The following NLGN1 variants were observed in gnomAD, a reference collection of about 807,000 sequenced individuals.
NLGN1 encodes the protein neuroligin-1.
NLGN1 carries 12 observed loss-of-function variants against 65.5 expected under a neutral mutation model. The ratio of observed to expected loss-of-function variants is 0.18; its 90% CI spans 0.12 to 0.30. NLGN1 has a LOEUF of 0.30. Ranked by LOEUF, NLGN1 falls within the 10% of genes least tolerant of loss-of-function variation. NLGN1 has a pLI of 1.00. For synonymous variants in NLGN1, 350 were observed against 359.5 expected (o/e 0.97, Z 0.30); for missense variants, 750 against 1,007.1 (o/e 0.74, Z 3.46).
At chr3:174,215,615 A>G (rs943209361) in intron 4 of NLGN1, among the ~76,000 whole-genome samples, 2 of 152,164 alleles carry the variant, frequency 1.3e-5, no homozygotes, top group African/African-American at 4.8e-5. Context: ...GTCATCTTTT[A>G]TATGCCTTGT....
At chr3:173,772,498 A>G (rs986294870) in intron 3 of NLGN1, among the ~76,000 whole-genome samples, 2 of 151,972 alleles carry the variant, frequency 1.3e-5, no homozygotes, top group Non-Finnish European at 2.9e-5. Context: ...GGCACCCATA[A>G]TCCCAGGTAC....
At chr3:173,738,090 AT>A (rs942581294) in intron 3 of NLGN1, among the ~76,000 whole-genome samples, 5 of 151,610 alleles carry the variant, frequency 3.3e-5, no homozygotes, top group South Asian at 2.1e-4. Flanking sequence ...CCCATTTAAA[AT>A]TTTTTTTTAA....
chr3:173,466,915 T>G (rs579498), intron 2 of NLGN1, among the ~76,000 whole-genome samples: 41,569 of 152,048 alleles, frequency 0.27, 5,829 homozygotes, highest in Middle Eastern at 0.37. Context: ...TTAAACAAAT[T>G]TATGTGGAAA....
chr3:173,906,915 T>C (rs1275590027), intron 4 of NLGN1, among the ~76,000 whole-genome samples: 1 of 150,718 alleles, frequency 6.6e-6, no homozygotes, highest in Non-Finnish European at 1.5e-5. Flanking sequence ...AAGTCCACGT[T>C]ACTGAGGCTC....
intron 3 of NLGN1, among the ~76,000 whole-genome samples, chr3:173,705,301 A>G (rs1486147170): frequency 6.6e-6 from 1 of 152,190 alleles, no homozygotes; most frequent in Non-Finnish European, 1.5e-5. Context: ...CATTTTTGAT[A>G]TAAAGAAATA....
chr3:173,552,543 C>T (rs867512206), intron 2 of NLGN1, among the ~76,000 whole-genome samples: 2 of 151,966 alleles, frequency 1.3e-5, no homozygotes, highest in African/African-American at 2.4e-5. Context: ...GGCTTGCAGA[C>T]GATTTGAAGG....
At chr3:173,861,515 CGTGTGTGTGTGTGT>C (rs145812733) in intron 4 of NLGN1, among the ~76,000 whole-genome samples, 3,708 of 141,444 alleles carry the variant, frequency 0.026, 76 homozygotes, top group African/African-American at 0.053. Context: ...GTAGCTGGCA[CGTGTGTGTGTGTGT>C]GTGTGTGTGT....
intron 4 of NLGN1, among the ~76,000 whole-genome samples, chr3:174,112,307 T>G (rs550456593): frequency 1.1e-4 from 16 of 152,096 alleles, no homozygotes; most frequent in Admixed American, 2.0e-4. Context: ...GGAAATCAAT[T>G]AAAAATTTCT....
chr3:173,605,960 A>G (rs968275968), intron 3 of NLGN1, among the ~76,000 whole-genome samples: 8 of 152,082 alleles, frequency 5.3e-5, no homozygotes, highest in Non-Finnish European at 1.0e-4. Context: ...CTACAGATAT[A>G]TATTTGTGTT....
At chr3:174,139,226 C>G (rs574555225) in intron 4 of NLGN1, among the ~76,000 whole-genome samples, 1 of 152,098 alleles carries the variant, frequency 6.6e-6, no homozygotes, top group Admixed American at 6.5e-5. Context: ...TAGTATCATA[C>G]AGAATAGTTT....
chr3:174,258,690 C>A (rs201278068), intron 4 of NLGN1, among the ~76,000 whole-genome samples: 1 of 152,062 alleles, frequency 6.6e-6, no homozygotes, highest in African/African-American at 2.4e-5. Context: ...CAGATAAACC[C>A]TAATTGAGAG....
At chr3:173,525,524 A>C (rs1412353806) in intron 2 of NLGN1, among the ~76,000 whole-genome samples, 1 of 151,768 alleles carries the variant, frequency 6.6e-6, no homozygotes, top group Non-Finnish European at 1.5e-5. Flanking sequence ...GTTAACATAG[A>C]AATTTATCCT....
At chr3:173,439,595 C>A (rs1233480941) in intron 2 of NLGN1, among the ~76,000 whole-genome samples, 3 of 150,520 alleles carry the variant, frequency 2.0e-5, no homozygotes, top group Non-Finnish European at 4.4e-5. Flanking sequence ...CACATCACTG[C>A]AATAAAGCAA....
intron 3 of NLGN1, among the ~76,000 whole-genome samples, chr3:173,675,887 T>TCACACACACACA (rs35370304): frequency 7.2e-6 from 1 of 138,578 alleles, no homozygotes; most frequent in African/African-American, 2.8e-5. Context: ...TCTCTCTCTC[T>TCACACACACACA]CACACACACA....
chr3:173,988,449 A>AT (rs996207096), intron 4 of NLGN1, among the ~76,000 whole-genome samples: 2 of 152,066 alleles, frequency 1.3e-5, no homozygotes, highest in African/African-American at 2.4e-5. Context: ...TAATAATCTG[A>AT]TTTTTTTAAG....
At chr3:173,556,810 AGG>A (rs1741784275) in intron 2 of NLGN1, among the ~76,000 whole-genome samples, 1 of 151,862 alleles carries the variant, frequency 6.6e-6, no homozygotes, top group South Asian at 2.1e-4. Context: ...TCTCAAAAAA[AGG>A]AAAAATTGCT....
intron 1 of NLGN1, among the ~76,000 whole-genome samples, chr3:173,431,264 T>C (rs894871571): frequency 6.6e-6 from 1 of 152,202 alleles, no homozygotes; most frequent in Non-Finnish European, 1.5e-5. Context: ...TCCCTAGCTG[T>C]TGAACCAGCC....
At chr3:173,511,910 T>C (rs1162541508) in intron 2 of NLGN1, among the ~76,000 whole-genome samples, 1 of 152,222 alleles carries the variant, frequency 6.6e-6, no homozygotes, top group African/African-American at 2.4e-5. Context: ...CCTTACCTTA[T>C]AATTATATTG....
At chr3:173,828,626 AG>A (rs1425916424) in intron 4 of NLGN1, among the ~76,000 whole-genome samples, 1 of 152,164 alleles carries the variant, frequency 6.6e-6, no homozygotes, top group Non-Finnish European at 1.5e-5. Context: ...ATAGATGCTG[AG>A]GAGAAAAATA....
Sources: allele counts gnomAD v4.1 joint callset (sites outside exome capture counted in the v4.1 genomes callset), GRCh38; gene constraint gnomAD v4.1.1; transcripts MANE v1.5; gene names NCBI Gene and HGNC (gene_info 2026-07-23, HGNC 2026-07-21).